The following OSGEP variants were observed in gnomAD, a reference collection of about 807,000 sequenced individuals.
OSGEP encodes the protein O-sialoglycoprotein endopeptidase, also known as tRNA N6-adenosine threonylcarbamoyltransferase.
A neutral mutation model predicts 44.1 loss-of-function variants in OSGEP; 39 were observed. That is an observed-to-expected ratio of 0.88 (90% CI 0.69 to 1.16). The LOEUF is 1.16. OSGEP is among the 50% of genes most tolerant of loss of function. The pLI is 0.00. For missense variants in OSGEP, 403 were observed against 443.1 expected (o/e 0.91, Z 0.81); for synonymous variants, 139 against 161.9 (o/e 0.86, Z 1.07).
chr14:20,447,495 T>C lies in OSGEP; in HGVS notation c.895A>G (p.Ile299Val). The C allele has an allele frequency of 1.2e-6, 2 of 1,614,172 alleles. No individual in the cohort carries two copies. Among genetic ancestry groups the C allele is most frequent in the South Asian group, 1.1e-5 (1 of 91,086 alleles). Residue 299 changes from isoleucine (I) to valine (V), a missense_variant, in exon 10 of 11, where the codon ATA (isoleucine) becomes GTA (valine). Physicochemically the swap from Ile to Val is conservative, Grantham distance 29. Transcript: ENST00000206542. ...ERFCIDNGAM[I>V]AQAGWEMFRA... ...AACATCTCCCAGCCAGCCTGGGCTA[T>C]CATCGCTCCATTGTCAATACAGAAT...
At chr14:20,453,140 G>C (rs903789937) in intron 1 of OSGEP, among the ~76,000 whole-genome samples, 3 of 152,158 alleles carry the variant, frequency 2.0e-5, no homozygotes, top group African/African-American at 7.2e-5. Flanking sequence ...AAAGCATTGA[G>C]TATTTTATTT....
chr14:20,453,480 C>T (rs995312685), intron 1 of OSGEP, among the ~76,000 whole-genome samples: 1 of 152,050 alleles, frequency 6.6e-6, no homozygotes, highest in African/African-American at 2.4e-5. Flanking sequence ...AATTCTCCTG[C>T]CTCAGCCTCC....
At chr14:20,448,573 T>G (rs1459484563) in intron 6 of OSGEP, among the ~76,000 whole-genome samples, 160 bp downstream of exon 6, 1 of 152,182 alleles carries the variant, frequency 6.6e-6, no homozygotes, top group South Asian at 2.1e-4. Flanking sequence ...CACAGAGATA[T>G]TCAATGAATA....
At chr14:20,453,796 CG>C (rs1304861960) in intron 1 of OSGEP, among the ~76,000 whole-genome samples, 11 of 151,952 alleles carry the variant, frequency 7.2e-5, no homozygotes, top group Non-Finnish European at 1.5e-4. Flanking sequence ...CTGGGGTGGG[CG>C]GATCATCTGA....
At chr14:20,448,648 C>T (rs983795963) in intron 6 of OSGEP, 85 bp downstream of exon 6, 2 of 929,638 alleles carry the variant, frequency 2.2e-6, no homozygotes, top group Non-Finnish European at 3.5e-6. Flanking sequence ...ATATACTGAG[C>T]TATACGAAAT....
Position 20,454,691 on chromosome 14 carries a change from G to C in OSGEP, c.-8C>G. ...ACCCAGCACCGCCGGCATGGCGGAG[G>C]CTGGGAGAAAACGCCGACAGGACTC... On this transcript the variant is annotated 5_prime_UTR_variant, in exon 1 of 11. Transcript: ENST00000206542. 1 of 1,606,320 alleles carries C rather than the reference G, an allele frequency of 6.2e-7. No individual in the cohort carries two copies. Among genetic ancestry groups the C allele is most frequent in the Non-Finnish European group, 8.5e-7 (1 of 1,173,732 alleles).
At position 20,447,638 on chromosome 14, in the gene OSGEP, G is replaced by A. The variant is rs866038182; in HGVS notation, c.846C>T (p.Ala282=). ...ACCTCTCATCTGTAGCAAAAAGCCG[G>A]GCTCCACGTTCCTGGCACATTGTTG... ...MMATMCQERG[A]RLFATDERFC... Residue 282 remains alanine (A), a synonymous_variant, in exon 9 of 11, where the codon GCC becomes GCT. Coordinates refer to ENST00000206542, the MANE Select transcript of OSGEP (RefSeq NM_017807.4). 1.2e-6 allele frequency: 2 copies of A among 1,613,956 alleles called. No individual in the cohort carries two copies.
rs753800981 is a variant in OSGEP at position 20,448,989 on chromosome 14, A to G, written c.532T>C (p.Tyr178His). 1 of 1,614,050 alleles carries G rather than the reference A, an allele frequency of 6.2e-7. No homozygotes were observed. ...CGCTTTGCCATCTGTTCAATGTTGTATCCTGGACTTGGGTCGTTAGAAATC... is the reference window on the plus strand; with the variant it reads ...CGCTTTGCCATCTGTTCAATGTTGTGTCCTGGACTTGGGTCGTTAGAAATC... ...LKISNDPSPG[Y>H]NIEQMAKRGK... Residue 178 changes from tyrosine to histidine, a missense_variant, in exon 5 of 11, where the codon TAC becomes CAC. By Grantham distance (83) the Tyr-to-His change is moderately conservative. Transcript: ENST00000206542.
In OSGEP at chr14:20,448,316, C is replaced by T. The variant is rs565019278; in HGVS notation, c.637-145G>A. The T allele has an allele frequency of 6.2e-5, 46 of 740,712 alleles. No homozygotes were observed. The African/African-American group carries it at 7.1e-4, about 11-fold the overall frequency. 45.9% of individuals were successfully genotyped at this position (740,712 alleles called of 1,614,324 possible). A position where few individuals can be genotyped will look rare whatever the true frequency, so the allele number is the denominator to read the frequency against. ...TCCTGTACCACATTCCCTTCACTGG[C>T]ATCATGGCATAGAATGAGCAGCTTT... On this transcript the variant is annotated intron_variant, in intron 6 of 10. Transcript: ENST00000206542.
rs185755791 is a variant in OSGEP at position 20,451,244 on chromosome 14, A to T, written c.411+730T>A. ...ATCATTCCCAGTAATATAAAAACAA[A>T]ACATGTACTTGCCCCAAAATAATAA... On this transcript the variant is annotated intron_variant, in intron 3 of 10. Transcript: ENST00000206542. 6.4e-4 allele frequency: 124 copies of T among 192,542 alleles called. 3 individuals are homozygous for T. Among genetic ancestry groups the T allele is most frequent in the South Asian group, 2.3e-3 (36 of 15,580 alleles). The allele number at this position is 192,542 out of a possible 1,614,324, so 11.9% of individuals were successfully genotyped here.
chr14:20,449,511 A>G (rs899591756), intron 3 of OSGEP: 1 of 444,296 alleles, frequency 2.3e-6, no homozygotes, highest in Non-Finnish European at 4.1e-6. Flanking sequence ...ATAAATTGTC[A>G]TTTCAAATAC....
At chr14:20,450,031 G>A (rs1594407752) in intron 3 of OSGEP, 1 of 136,348 alleles carries the variant, frequency 7.3e-6, no homozygotes, top group East Asian at 2.1e-4. Flanking sequence ...TTCACTTAAG[G>A]CCATTTTTCT....
At chr14:20,447,856 G>A (rs751961078) in intron 8 of OSGEP, 48 bp downstream of exon 8, 20 of 1,363,724 alleles carry the variant, frequency 1.5e-5, no homozygotes, top group South Asian at 2.3e-5. Flanking sequence ...GGAGGAAGAC[G>A]CATAGTGTTA....
Position 20,452,357 on chromosome 14 carries a change from C to G in OSGEP, c.207G>C (p.Gln69His), listed in dbSNP as rs1387454704. 2 of 1,613,970 alleles carry G rather than the reference C, an allele frequency of 1.2e-6. No individual in the cohort carries two copies. Among genetic ancestry groups the G allele is most frequent in the African/African-American group, 1.3e-5 (1 of 75,004 alleles). The change falls in exon 2 of 11, where the codon CAG (glutamine) becomes CAC (histidine). Residue 69 changes from glutamine to histidine, a missense_variant. Coordinates refer to ENST00000206542, the MANE Select transcript of OSGEP (RefSeq NM_017807.4). The stretch of plus-strand genomic sequence containing the variant: ...TGGTGTATGCAATGCAGTCGATATC[C>G]TGGGAGGTTAATCCAGACTCTGTTA... ...EALTESGLTS[Q>H]DIDCIAYTKG...
intron 5 of OSGEP, 74 bp from the exon 6 acceptor site, chr14:20,448,885 A>G (rs1881026150): frequency 1.3e-6 from 2 of 1,594,704 alleles, no homozygotes; most frequent in East Asian, 4.5e-5. Context: ...CCCGTCCCAA[A>G]TTTTGTTAAT....
At position 20,446,940 on chromosome 14, in the gene OSGEP, T is replaced by C. The variant is rs77999888; in HGVS notation, c.*300A>G. 3.1e-6 allele frequency: 1 copy of C among 327,162 alleles called. No individual in the cohort carries two copies. Among genetic ancestry groups the C allele is most frequent in the Admixed American group, 5.2e-5 (1 of 19,272 alleles). 20.3% of individuals were successfully genotyped at this position (327,162 alleles called of 1,614,324 possible). A position where few individuals can be genotyped will look rare whatever the true frequency, so the allele number is the denominator to read the frequency against. On this transcript the variant is annotated 3_prime_UTR_variant, in exon 11 of 11. Coordinates refer to ENST00000206542, the MANE Select transcript of OSGEP (RefSeq NM_017807.4). ...CTGGGAAACACAGCAAGATTCCGTT[T>C]CTTAAAAAAAAAAAAAAAGATACCT...
In OSGEP at chr14:20,447,944, A is replaced by G. The variant is rs553361267; in HGVS notation, c.753T>C (p.His251=). 3.7e-6 allele frequency: 6 copies of G among 1,613,948 alleles called. No individual in the cohort carries two copies. In the African/African-American group the frequency reaches 4.0e-5, roughly 11 times the overall value. The change falls in exon 8 of 11, where the codon CAT becomes CAC. Residue 251 remains histidine, a synonymous_variant. Coordinates refer to ENST00000206542, the MANE Select transcript of OSGEP (RefSeq NM_017807.4). The part of the protein sequence containing the change: ...LVEITERAMA[H]CGSQEALIVG... ...CAATGAGGGCCTCCTGGGAGCCACAATGTGCCATGGCTCGCTCTGTGATCT... is the reference window on the plus strand; with the variant it reads ...CAATGAGGGCCTCCTGGGAGCCACAGTGTGCCATGGCTCGCTCTGTGATCT...
At chr14:20,454,508 T>G in intron 1 of OSGEP, 61 bp downstream of exon 1, 1 of 1,128,408 alleles carries the variant, frequency 8.9e-7, no homozygotes, top group Non-Finnish European at 1.4e-6. Context: ...TTTAGGAAGA[T>G]GGAAGGCTGA....
At chr14:20,453,592 C>T (rs1252761642) in intron 1 of OSGEP, among the ~76,000 whole-genome samples, 1 of 151,840 alleles carries the variant, frequency 6.6e-6, no homozygotes, top group Non-Finnish European at 1.5e-5. Context: ...TGGTCTCGAA[C>T]CCCGACCTCA....
Sources: allele counts gnomAD v4.1 joint callset (sites outside exome capture counted in the v4.1 genomes callset), GRCh38; gene constraint gnomAD v4.1.1; transcripts MANE v1.5; gene names NCBI Gene and HGNC (gene_info 2026-07-23, HGNC 2026-07-21).